Variants in SLC25A11 observed in about 807,000 individuals in gnomAD.
SLC25A11 encodes solute carrier family 25 member 11.
Under a neutral mutation model 32.7 loss-of-function variants are expected in SLC25A11, and 11 were observed. The ratio of observed to expected loss-of-function variants is 0.34; its 90% CI spans 0.21 to 0.56. The LOEUF is 0.56. SLC25A11 is among the 20% of genes least tolerant of loss of function. The probability of loss-of-function intolerance (pLI) is 0.90; values close to 1 mark genes in which losing one functional copy is unlikely to be tolerated. For synonymous variants in SLC25A11, 163 were observed against 168.3 expected, an observed-to-expected ratio of 0.97 and a Z score of 0.24; for missense variants, 295 against 426.3, an observed-to-expected ratio of 0.69 and a Z score of 2.71.
chr17:4,938,253 C>A lies in SLC25A11; in HGVS notation c.638G>T (p.Gly213Val). The A allele has an allele frequency of 6.2e-7, 1 of 1,613,276 alleles. No individual in the cohort carries two copies. Among genetic ancestry groups the A allele is most frequent in the East Asian group, 2.2e-5 (1 of 44,854 alleles). Residue 213 changes from glycine to valine, a missense_variant and splice_region_variant, in exon 6 of 8, where the codon GGC (glycine) becomes GTC (valine). Physicochemically the swap from Gly to Val is moderately radical, Grantham distance 109 (BLOSUM62 -3). This residue lies in a region of SLC25A11 where 142 missense variants were observed against 197.8 expected (regional missense o/e 0.72). Coordinates refer to ENST00000225665, the MANE Select transcript of SLC25A11 (RefSeq NM_003562.5). This position sits in a 1 kb window ranked among gnomAD's most constrained non-coding sequence, Gnocchi z 7.6. ...SQSKQFLLDS[G>V]YFSDNILCHF... ...GCACAAGATGTTGTCAGAGAAGTAG[C>A]CTGGGGGAGGTGAGGCGGGGGTGGC...
chr17:4,938,462 C>T lies in SLC25A11; in HGVS notation c.547-33G>A. ...GAGGGGAGCGGGGAAGAGTCAGAAA[C>T]CCCTAAAACCAGACCTCACAGCCCC... is the stretch of plus-strand genomic sequence containing the variant. On this transcript the variant is annotated intron_variant, in intron 4 of 7. Coordinates refer to ENST00000225665, the MANE Select transcript of SLC25A11 (RefSeq NM_003562.5). The surrounding 1 kb of genome is among the most constrained non-coding windows in gnomAD (Gnocchi z 7.6). The T allele has an allele frequency of 6.2e-7, 1 of 1,613,882 alleles. No individual in the cohort carries two copies. The highest frequency in any genetic ancestry group is 8.5e-7 in the Non-Finnish European group (1 of 1,179,820).
At position 4,937,498 on chromosome 17, in the gene SLC25A11, G is replaced by A; in HGVS notation, c.*243C>T. 2.9e-6 allele frequency: 1 copy of A among 348,242 alleles called. No individual in the cohort carries two copies. The highest frequency in any genetic ancestry group is 4.8e-6 in the Non-Finnish European group (1 of 209,006). The allele number at this position is 348,242 out of a possible 1,614,324, so 21.6% of individuals were successfully genotyped here. A position where few individuals can be genotyped will look rare whatever the true frequency, so the allele number is the denominator to read the frequency against. On this transcript the variant is annotated 3_prime_UTR_variant, in exon 8 of 8. Coordinates refer to ENST00000225665, the MANE Select transcript of SLC25A11 (RefSeq NM_003562.5). ...GTGCCCTGAAACTAAAACCCAGGGG[G>A]AGGCCAGAAATCCTCAGAAGTTTTC...
At position 4,938,112 on chromosome 17, in the gene SLC25A11, G is replaced by A; in HGVS notation, c.738-38C>T. 3.1e-6 allele frequency: 5 copies of A among 1,614,046 alleles called. No homozygotes were observed. The highest frequency in any genetic ancestry group is 4.2e-6 in the Non-Finnish European group (5 of 1,179,952). ...ACGCAGGGGCATGAGAGACCGAAAG[G>A]GCACCCTCCCACCCACCTCCAGGCC... On this transcript the variant is annotated intron_variant, in intron 6 of 7. Transcript: ENST00000225665. This position sits in a 1 kb window ranked among gnomAD's most constrained non-coding sequence, Gnocchi z 7.6.
At position 4,938,263 on chromosome 17, in the gene SLC25A11, G is replaced by T; in HGVS notation, c.638-10C>A. ...TTGTCAGAGAAGTAGCCTGGGGGAG[G>T]TGAGGCGGGGGTGGCAGTCAGCTCA... On this transcript the variant is annotated splice_polypyrimidine_tract_variant and intron_variant, in intron 5 of 7. Coordinates refer to ENST00000225665, the MANE Select transcript of SLC25A11 (RefSeq NM_003562.5). The surrounding 1 kb of genome is among the most constrained non-coding windows in gnomAD (Gnocchi z 7.6). 2 of 1,613,204 alleles carry T rather than the reference G, an allele frequency of 1.2e-6. No individual in the cohort carries two copies. The highest frequency in any genetic ancestry group is 1.7e-6 in the Non-Finnish European group (2 of 1,179,480).
In SLC25A11 at chr17:4,937,717, G is replaced by A. The variant is rs1487705408; in HGVS notation, c.*24C>T. ...GGGCGCAGTGGCTATAGGCGCAGCA[G>A]GCGAGTGGGAGCCCCCGGCCGCTTC... On this transcript the variant is annotated 3_prime_UTR_variant, in exon 8 of 8. Transcript: ENST00000225665. 6 of 1,589,312 alleles carry A rather than the reference G, an allele frequency of 3.8e-6. No individual in the cohort carries two copies. The African/African-American group carries it at 8.1e-5, about 21-fold the overall frequency.
rs1236212546 is a variant in SLC25A11 at position 4,939,455 on chromosome 17, T to C, written c.96-243A>G. ...AAGCAGCTTCATGACAGTCAAGCAGTGACCTGGGGCTGCACGCAGTCCGAC... is the reference window on the plus strand; with the variant it reads ...AAGCAGCTTCATGACAGTCAAGCAGCGACCTGGGGCTGCACGCAGTCCGAC... On this transcript the variant is annotated intron_variant, in intron 1 of 7. Transcript: ENST00000225665. The surrounding 1 kb of genome is among the most constrained non-coding windows in gnomAD (Gnocchi z 4.1). The C allele has an allele frequency of 3.4e-6, 2 of 586,804 alleles. No homozygotes were observed. Among genetic ancestry groups the C allele is most frequent in the East Asian group, 2.8e-5 (1 of 35,362 alleles). The allele number at this position is 586,804 out of a possible 1,614,324, so 36.3% of individuals were successfully genotyped here.
intron 7 of SLC25A11, 44 bp downstream of exon 7, chr17:4,937,977 AGG>A (rs1970463553): frequency 1.2e-6 from 2 of 1,613,010 alleles, no homozygotes; most frequent in Non-Finnish European, 1.7e-6. Context: ...CACCTTTCCC[AGG>A]GGATCCGACA....
chr17:4,938,402 C>T lies in SLC25A11; in HGVS notation c.574G>A (p.Val192Ile), dbSNP rs777024331. The T allele has an allele frequency of 1.5e-5, 24 of 1,613,986 alleles. No individual in the cohort carries two copies. Among genetic ancestry groups the T allele is most frequent in the South Asian group, 7.7e-5 (7 of 91,080 alleles). The change falls in exon 5 of 8, where the codon GTC (valine) becomes ATC (isoleucine). Residue 192 changes from valine to isoleucine, a missense_variant. Transcript: ENST00000225665. The surrounding 1 kb of genome is among the most constrained non-coding windows in gnomAD (Gnocchi z 7.6). The stretch of plus-strand genomic sequence containing the variant: ...GCGAGCTGGGCAGCATTGACGACGA[C>T]GGCCCGAGCCATGGTAGGGATGCAG... ...RGCIPTMARA[V>I]VVNAAQLASY...
Position 4,939,736 on chromosome 17 carries a change from C to G in SLC25A11, c.95+80G>C. 1.8e-6 allele frequency: 2 copies of G among 1,140,674 alleles called. No individual in the cohort carries two copies. The highest frequency in any genetic ancestry group is 2.6e-5 in the South Asian group (2 of 77,218). 70.7% of individuals were successfully genotyped at this position (1,140,674 alleles called of 1,614,324 possible). A position where few individuals can be genotyped will look rare whatever the true frequency, so the allele number is the denominator to read the frequency against. ...CCCGTGCCGGCACAGTTCACTGCAA[C>G]AGACCCAGAGATGAACCGGGCCCGG... On this transcript the variant is annotated intron_variant, in intron 1 of 7. Transcript: ENST00000225665. This position sits in a 1 kb window ranked among gnomAD's most constrained non-coding sequence, Gnocchi z 4.1.
Position 4,938,963 on chromosome 17 carries a change from G to C in SLC25A11, c.261C>G (p.Gly87=). 1 of 1,614,132 alleles carries C rather than the reference G, an allele frequency of 6.2e-7. No individual in the cohort carries two copies. The stretch of plus-strand genomic sequence containing the variant: ...TGGTGTAGGTGGCCTGACGCAGCAG[G>C]CCAGCCGACAGCCTGAGGAGCAGAG... ...LRGIYTGLSA[G]LLRQATYTTT... is the part of the protein sequence containing the mutation. The change falls in exon 3 of 8, where the codon GGC becomes GGG. Residue 87 remains glycine, a synonymous_variant. Transcript: ENST00000225665. The surrounding 1 kb of genome is among the most constrained non-coding windows in gnomAD (Gnocchi z 7.6).
Position 4,938,185 on chromosome 17 carries a change from C to A in SLC25A11, c.706G>T (p.Ala236Ser). ...TTGGCAATGTCCACAGGCATGGAGGCAGCAGTGGTGACAAGACCGCTGATC... is the reference window on the plus strand; with the variant it reads ...TTGGCAATGTCCACAGGCATGGAGGAAGCAGTGGTGACAAGACCGCTGATC... ...SMISGLVTTA[A>S]SMPVDIAKTR... Residue 236 changes from alanine (A) to serine (S), a missense_variant, in exon 6 of 8, where the codon GCC becomes TCC. This residue lies in a region of SLC25A11 where 142 missense variants were observed against 197.8 expected (regional missense o/e 0.72). Coordinates refer to ENST00000225665, the MANE Select transcript of SLC25A11 (RefSeq NM_003562.5). The surrounding 1 kb of genome is among the most constrained non-coding windows in gnomAD (Gnocchi z 7.6). 2 of 1,614,198 alleles carry A rather than the reference C, an allele frequency of 1.2e-6. No homozygotes were observed. Among genetic ancestry groups the A allele is most frequent in the Non-Finnish European group, 1.7e-6 (2 of 1,180,004 alleles).
rs1410255441 is a variant in SLC25A11, at chr17:4,938,831, G to A, written c.393C>T (p.Ala131=). Residue 131 remains alanine, a synonymous_variant, in exon 3 of 8, where the codon GCC becomes GCT. Transcript: ENST00000225665. The surrounding 1 kb of genome is among the most constrained non-coding windows in gnomAD (Gnocchi z 7.6). ...CTGGTGTTCCCACAAAGGCACCAGT[G>A]GCACCTGCGGTCATGCCAATCACAG... is the stretch of plus-strand genomic sequence containing the variant. ...LKAVIGMTAG[A]TGAFVGTPAE... is the part of the protein sequence containing the mutation. 1 of 1,614,134 alleles carries A rather than the reference G, an allele frequency of 6.2e-7. No individual in the cohort carries two copies. The highest frequency in any genetic ancestry group is 2.2e-5 in the East Asian group (1 of 44,878).
In SLC25A11 at chr17:4,939,607, C is replaced by T. The variant is rs1020167935; in HGVS notation, c.95+209G>A. The T allele has an allele frequency of 8.4e-6, 5 of 596,894 alleles. No homozygotes were observed. Among genetic ancestry groups the T allele is most frequent in the Non-Finnish European group, 1.5e-5 (5 of 338,264 alleles). 37.0% of individuals were successfully genotyped at this position (596,894 alleles called of 1,614,324 possible). Reference sequence around the variant, plus strand: ...AATGCGCTGGGAAACTCAGCTGGCCCGGCGGGGGTTGTGCAACGACCCTGC... The same window carrying T: ...AATGCGCTGGGAAACTCAGCTGGCCTGGCGGGGGTTGTGCAACGACCCTGC... On this transcript the variant is annotated intron_variant, in intron 1 of 7. Transcript: ENST00000225665. The surrounding 1 kb of genome is among the most constrained non-coding windows in gnomAD (Gnocchi z 4.1).
Position 4,938,303 on chromosome 17 carries a change from C to T in SLC25A11, c.637+36G>A, listed in dbSNP as rs766381079. On this transcript the variant is annotated intron_variant, in intron 5 of 7. Transcript: ENST00000225665. This position sits in a 1 kb window ranked among gnomAD's most constrained non-coding sequence, Gnocchi z 7.6. ...CAGTCAGCTCAGAGGTGGCTCAGGCCAGGCTGGGAACTAAGGGCCCAGCTC... is the reference window on the plus strand; with the variant it reads ...CAGTCAGCTCAGAGGTGGCTCAGGCTAGGCTGGGAACTAAGGGCCCAGCTC... 3 of 1,613,538 alleles carry T rather than the reference C, an allele frequency of 1.9e-6. No individual in the cohort carries two copies. In the South Asian group the frequency reaches 3.3e-5, roughly 18 times the overall value.
chr17:4,938,058 T>G lies in SLC25A11; in HGVS notation c.754A>C (p.Met252Leu), dbSNP rs752770235. 1 of 1,613,990 alleles carries G rather than the reference T, an allele frequency of 6.2e-7. No individual in the cohort carries two copies. The highest frequency in any genetic ancestry group is 8.5e-7 in the Non-Finnish European group (1 of 1,179,988). ...TTGTATTCCGGCTTCCCATCAATCATCCGCATGTTCTGGATTCTGCAGGAG... is the reference window on the plus strand; with the variant it reads ...TTGTATTCCGGCTTCCCATCAATCAGCCGCATGTTCTGGATTCTGCAGGAG... ...IAKTRIQNMRMIDGKPEYKNG... is the reference protein window; with the variant it reads ...IAKTRIQNMRLIDGKPEYKNG... The change falls in exon 7 of 8, where the codon ATG becomes CTG. Residue 252 changes from methionine (M) to leucine (L), a missense_variant. Physicochemically the swap from Met to Leu is conservative, Grantham distance 15. Around this residue, in one of 3 missense-constraint regions of SLC25A11, gnomAD observed 142 missense variants for 197.8 expected, o/e 0.72. Coordinates refer to ENST00000225665, the MANE Select transcript of SLC25A11 (RefSeq NM_003562.5). The surrounding 1 kb of genome is among the most constrained non-coding windows in gnomAD (Gnocchi z 7.6).
Position 4,939,381 on chromosome 17 carries a change from G to C in SLC25A11, c.96-169C>G, listed in dbSNP as rs1277760748. ...TCTATATGTACACCAAGTGCAACGG[G>C]TCTGAAAAGTCTAGTTGTCCAGTAG... On this transcript the variant is annotated intron_variant, in intron 1 of 7. Coordinates refer to ENST00000225665, the MANE Select transcript of SLC25A11 (RefSeq NM_003562.5). This position sits in a 1 kb window ranked among gnomAD's most constrained non-coding sequence, Gnocchi z 4.1. 1.4e-6 allele frequency: 1 copy of C among 735,790 alleles called. No individual in the cohort carries two copies. The highest frequency in any genetic ancestry group is 2.7e-5 in the East Asian group (1 of 36,800). The allele number at this position is 735,790 out of a possible 1,614,324, so 45.6% of individuals were successfully genotyped here.
chr17:4,939,323 G>C lies in SLC25A11; in HGVS notation c.96-111C>G. ...GGTCAGGGCCTGCCATGCGATTCAA[G>C]AATCAGGATGCTGGTGAGCATGTGT... On this transcript the variant is annotated intron_variant, in intron 1 of 7. Transcript: ENST00000225665. The surrounding 1 kb of genome is among the most constrained non-coding windows in gnomAD (Gnocchi z 4.1). 5 of 1,199,336 alleles carry C rather than the reference G, an allele frequency of 4.2e-6. No individual in the cohort carries two copies. The highest frequency in any genetic ancestry group is 2.6e-5 in the Admixed American group (1 of 39,214). The allele number at this position is 1,199,336 out of a possible 1,614,324, so 74.3% of individuals were successfully genotyped here.
In SLC25A11 at chr17:4,937,422, C is replaced by T; in HGVS notation, c.*319G>A. 4.5e-6 allele frequency: 1 copy of T among 223,166 alleles called. No individual in the cohort carries two copies. The highest frequency in any genetic ancestry group is 1.0e-4 in the East Asian group (1 of 9,664). 13.8% of individuals were successfully genotyped at this position (223,166 alleles called of 1,614,324 possible). ...TGGCTTCTGCTCCTCCCTGTCCCCT[C>T]AGCTCTGCCTTGGTTTCCCCACTGA... On this transcript the variant is annotated 3_prime_UTR_variant, in exon 8 of 8. Coordinates refer to ENST00000225665, the MANE Select transcript of SLC25A11 (RefSeq NM_003562.5).
Position 4,938,549 on chromosome 17 carries a change from C to T in SLC25A11, c.509G>A (p.Arg170Gln), listed in dbSNP as rs1184418710. The part of the protein sequence containing the change: ...GYKNVFNALI[R>Q]ITREEGVLTL... ...GAGGACACCCTCTTCCCGGGTGATT[C>T]GAATCAGGGCGTTAAACACATTTTT... Residue 170 changes from arginine to glutamine, a missense_variant, in exon 4 of 8, where the codon CGA (arginine) becomes CAA (glutamine). By Grantham distance (43) the Arg-to-Gln change is conservative. Coordinates refer to ENST00000225665, the MANE Select transcript of SLC25A11 (RefSeq NM_003562.5). The surrounding 1 kb of genome is among the most constrained non-coding windows in gnomAD (Gnocchi z 7.6). 8.1e-6 allele frequency: 13 copies of T among 1,614,100 alleles called. No individual in the cohort carries two copies. Among genetic ancestry groups the T allele is most frequent in the Non-Finnish European group, 1.1e-5 (13 of 1,179,986 alleles).
Sources: gnomAD v4.1 joint callset for allele counts on GRCh38, gnomAD v4.1.1 for gene constraint, gnomAD v4.1.1 regional missense constraint, Gnocchi (gnomAD v3.1) non-coding constraint, MANE v1.5 for transcripts, NCBI Gene and HGNC (gene_info 2026-07-23, HGNC 2026-07-21) for gene names.